The following ARHGEF10 variants were observed in gnomAD, a reference collection of about 807,000 sequenced individuals.
ARHGEF10 encodes the protein Rho guanine nucleotide exchange factor (GEF) 10.
In ARHGEF10, 140 loss-of-function variants were observed where a neutral mutation model predicts 147.4. That is an observed-to-expected ratio of 0.95 (90% CI 0.83 to 1.09). ARHGEF10 has a LOEUF of 1.09. Among genes scored for constraint, ARHGEF10 ranks in the 50% least tolerant of loss-of-function variants. ARHGEF10 has a pLI of 0.00. For synonymous variants in ARHGEF10, 902 were observed against 695.8 expected (o/e 1.30, Z -4.67); for missense variants, 2,222 against 1,752.7 (o/e 1.27, Z -4.78).
chr8:1,934,628 G>A (rs1415751558), intron 26 of ARHGEF10, among the ~76,000 whole-genome samples: 1 of 152,166 alleles, frequency 6.6e-6, no homozygotes, highest in Non-Finnish European at 1.5e-5. Flanking sequence ...GGAGACAAGT[G>A]GGCAGCCGTT....
At chr8:1,910,335 G>A (rs1055394705) in intron 18 of ARHGEF10, among the ~76,000 whole-genome samples, 4 of 152,186 alleles carry the variant, frequency 2.6e-5, no homozygotes, top group African/African-American at 9.7e-5. Flanking sequence ...TGCAGAACAT[G>A]ATGTAAGGAG....
intron 3 of ARHGEF10, among the ~76,000 whole-genome samples, chr8:1,859,082 C>G (rs1047256235): frequency 1.4e-5 from 2 of 146,972 alleles, no homozygotes; most frequent in Non-Finnish European, 3.0e-5. Context: ...CACGGTGTTT[C>G]TTTGTGCATA....
intron 18 of ARHGEF10, among the ~76,000 whole-genome samples, chr8:1,922,498 G>A (rs755227858): frequency 1.3e-5 from 2 of 152,160 alleles, no homozygotes; most frequent in African/African-American, 2.4e-5. Flanking sequence ...TCAGGGTCGC[G>A]AAAGAGGAAG....
At chr8:1,848,125 A>G (rs531052079) in intron 2 of ARHGEF10, among the ~76,000 whole-genome samples, 2 of 152,362 alleles carry the variant, frequency 1.3e-5, no homozygotes, top group East Asian at 3.9e-4. Context: ...TTCGCTAAAG[A>G]AAACAGAAAA....
At chr8:1,913,079 C>T (rs1811496704) in intron 18 of ARHGEF10, among the ~76,000 whole-genome samples, 1 of 152,058 alleles carries the variant, frequency 6.6e-6, no homozygotes, top group Admixed American at 6.5e-5. Flanking sequence ...TCATTTTCAA[C>T]AGATGGACTG....
rs767841968 is a variant in ARHGEF10 at position 1,952,754 on chromosome 8, G to C, written c.3447G>C (p.Leu1149=). ...GCCTGCTCGTCTGCCACGGATTGCTGATGGTCGGCACCAGCCTGGGAGTCC... is the reference window on the plus strand; with the variant it reads ...GCCTGCTCGTCTGCCACGGATTGCTCATGGTCGGCACCAGCCTGGGAGTCC... ...VTSLLVCHGL[L]MVGTSLGVLV... The change falls in exon 28 of 29, where the codon CTG becomes CTC. Residue 1149 remains leucine (L), a synonymous_variant. Coordinates refer to ENST00000349830, the MANE Select transcript of ARHGEF10 (RefSeq NM_014629.4). 1.2e-6 allele frequency: 2 copies of C among 1,613,464 alleles called. No homozygotes were observed. The highest frequency in any genetic ancestry group is 2.2e-5 in the East Asian group (1 of 44,876).
intron 2 of ARHGEF10, among the ~76,000 whole-genome samples, chr8:1,852,481 G>C: frequency 7.7e-6 from 1 of 129,440 alleles, no homozygotes; most frequent in African/African-American, 3.0e-5. Context: ...CATCATCCTG[G>C]AGAGGACCGG....
rs79399025 is a variant in ARHGEF10, at chr8:1,878,204, T to C, written c.843+1470T>C. 9.2e-4 allele frequency among the ~76,000 whole-genome samples: 137 copies of C among 149,124 alleles called. 1 individual carries two copies. The highest frequency in any genetic ancestry group is 3.2e-3 in the African/African-American group (130 of 40,456). On this transcript the variant is annotated intron_variant, in intron 8 of 28. Transcript: ENST00000349830. The stretch of plus-strand genomic sequence containing the variant: ...ATTGTAGTTTTTCGGGTTTTTTTTT[T>C]CTTTGAAATGGAGTCTTGCCTGTCG...
chr8:1,898,337 T>C (rs1001661198), intron 14 of ARHGEF10, 96 bp from the exon 15 acceptor site: 5 of 1,076,486 alleles, frequency 4.6e-6, no homozygotes, highest in South Asian at 1.3e-5. Context: ...CTTTTGACTT[T>C]CCCGAGTGTT....
intron 1 of ARHGEF10, among the ~76,000 whole-genome samples, chr8:1,832,286 G>A (rs62477473): frequency 0.53 from 81,260 of 151,952 alleles, 22,295 homozygotes; most frequent in African/African-American, 0.64. Flanking sequence ...GTCATGTGCA[G>A]CCGCCCTTGC....
At chr8:1,881,294 G>A (rs7844010) in intron 9 of ARHGEF10, among the ~76,000 whole-genome samples, 2,409 of 148,976 alleles carry the variant, frequency 0.016, 67 homozygotes, top group African/African-American at 0.058. Flanking sequence ...GGCTCAGGGA[G>A]CATGGCGGCC....
intron 1 of ARHGEF10, among the ~76,000 whole-genome samples, chr8:1,840,112 G>A (rs1382242632): frequency 7.4e-6 from 1 of 134,312 alleles, no homozygotes; most frequent in East Asian, 2.4e-4. Context: ...GAATCTGTCC[G>A]GTGTGGGGAC....
Position 1,869,070 on chromosome 8 carries a change from A to G in ARHGEF10, c.623-124A>G, listed in dbSNP as rs1363196469. 3.5e-6 allele frequency: 3 copies of G among 865,278 alleles called. No individual in the cohort carries two copies. In the Admixed American group the frequency reaches 5.9e-5, roughly 17 times the overall value. 53.6% of individuals were successfully genotyped at this position (865,278 alleles called of 1,614,324 possible). The stretch of plus-strand genomic sequence containing the variant: ...CGAAAAAGTAAAAAATAAAAAAAAA[A>G]CTACCCTTATAAACCAACTTTTTGA... On this transcript the variant is annotated intron_variant, in intron 6 of 28. Coordinates refer to ENST00000349830, the MANE Select transcript of ARHGEF10 (RefSeq NM_014629.4).
At chr8:1,909,134 G>T (rs1341345026) in intron 17 of ARHGEF10, among the ~76,000 whole-genome samples, 161 bp from the exon 18 acceptor site, 7 of 152,192 alleles carry the variant, frequency 4.6e-5, no homozygotes, top group Admixed American at 4.6e-4. Flanking sequence ...AGCAAGTGGG[G>T]ACTCAGTAAG....
chr8:1,869,271 G>T, intron 7 of ARHGEF10, 21 bp downstream of exon 7: 2 of 1,605,764 alleles, frequency 1.2e-6, no homozygotes, highest in Admixed American at 1.7e-5. Context: ...GTCTGGAATT[G>T]ATTTGAGGAG....
chr8:1,845,333 G>A (rs1804473793), intron 2 of ARHGEF10, among the ~76,000 whole-genome samples: 2 of 152,206 alleles, frequency 1.3e-5, no homozygotes, highest in Admixed American at 1.3e-4. Context: ...GCATTTCTTG[G>A]AAATGAGTGG....
At chr8:1,826,332 G>A (rs951268438) in intron 1 of ARHGEF10, among the ~76,000 whole-genome samples, 9 of 152,054 alleles carry the variant, frequency 5.9e-5, no homozygotes, top group Non-Finnish European at 1.0e-4. Flanking sequence ...GTGTGCATAC[G>A]TGTGCGTGTG....
intron 18 of ARHGEF10, among the ~76,000 whole-genome samples, chr8:1,918,443 A>G (rs1392590750): frequency 6.8e-6 from 1 of 148,132 alleles, no homozygotes; most frequent in Non-Finnish European, 1.5e-5. Flanking sequence ...TTCCCATGAT[A>G]GGTTCACATT....
chr8:1,951,545 G>A (rs576513905), intron 27 of ARHGEF10, among the ~76,000 whole-genome samples: 3 of 152,332 alleles, frequency 2.0e-5, no homozygotes, highest in South Asian at 2.1e-4. Flanking sequence ...CTGTCGATAC[G>A]GAGTCTTTGG....
Sources: gnomAD v4.1 joint callset for allele counts (sites outside exome capture counted in the v4.1 genomes callset) on GRCh38, gnomAD v4.1.1 for gene constraint, MANE v1.5 for transcripts, NCBI Gene and HGNC (gene_info 2026-07-23, HGNC 2026-07-21) for gene names.